The following SCUBE1 variants were observed in gnomAD, a reference collection of about 807,000 sequenced individuals.
The protein encoded by SCUBE1 is signal peptide, CUB domain and EGF like domain containing 1.
In SCUBE1, 59 loss-of-function variants were observed where a neutral mutation model predicts 124.4. That is an observed-to-expected ratio of 0.47 (90% confidence interval 0.38 to 0.59). The LOEUF (loss-of-function observed/expected upper bound fraction) is 0.59, where lower values mean the gene tolerates loss of function less well. Ranked by LOEUF, SCUBE1 falls within the 20% of genes least tolerant of loss-of-function variation. The probability of loss-of-function intolerance (pLI) is 0.00; values close to 1 mark genes in which losing one functional copy is unlikely to be tolerated. For synonymous variants in SCUBE1, 545 were observed against 550.9 expected, an observed-to-expected ratio of 0.99 and a Z score of 0.15; for missense variants, 1,150 against 1,371.2, an observed-to-expected ratio of 0.84 and a Z score of 2.55.
rs367780724 is a variant in SCUBE1 at position 43,227,514 on chromosome 22, G to T, written c.1085-18C>A. On this transcript the variant is annotated intron_variant, in intron 9 of 21. Transcript: ENST00000360835. ...GTCCACATCTGGAAGCACAGCGGGCGTAAGGGCAGAGGGGAGGCTGGCGGC... is the reference window on the plus strand; with the variant it reads ...GTCCACATCTGGAAGCACAGCGGGCTTAAGGGCAGAGGGGAGGCTGGCGGC... 5 of 1,609,100 alleles carry T rather than the reference G, an allele frequency of 3.1e-6. 1 individual carries two copies. In the South Asian group the frequency reaches 5.5e-5, roughly 18 times the overall value.
chr22:43,226,228 GAC>G (rs1922296417), intron 10 of SCUBE1, among the ~76,000 whole-genome samples: 3 of 152,154 alleles, frequency 2.0e-5, no homozygotes, highest in African/African-American at 4.8e-5. Context: ...TGGACAGACA[GAC>G]AGACATACAC....
At chr22:43,228,781 G>A (rs1922429936) in intron 9 of SCUBE1, among the ~76,000 whole-genome samples, 1 of 152,186 alleles carries the variant, frequency 6.6e-6, no homozygotes. Flanking sequence ...CCCGCTCCTG[G>A]CCCGAGTTCT....
intron 3 of SCUBE1, among the ~76,000 whole-genome samples, chr22:43,309,706 C>G (rs1263177424): frequency 6.6e-6 from 1 of 152,018 alleles, no homozygotes; most frequent in African/African-American, 2.4e-5. Flanking sequence ...TCCGTGTCCA[C>G]CCCCACACCC....
intron 4 of SCUBE1, among the ~76,000 whole-genome samples, chr22:43,275,215 G>A (rs761178100): frequency 7.2e-5 from 11 of 152,234 alleles, no homozygotes; most frequent in Non-Finnish European, 1.5e-4. Context: ...GAGAGGCCTC[G>A]TGGAGAGAAG....
At chr22:43,220,342 G>T in intron 14 of SCUBE1, 108 bp downstream of exon 14, 1 of 1,269,244 alleles carries the variant, frequency 7.9e-7, no homozygotes, top group Non-Finnish European at 1.1e-6. Context: ...AGCCACAGCT[G>T]TGCTCTGGTG....
intron 3 of SCUBE1, 84 bp from the exon 4 acceptor site, chr22:43,291,264 G>C: frequency 2.7e-6 from 4 of 1,456,660 alleles, no homozygotes; most frequent in Non-Finnish European, 3.8e-6. Flanking sequence ...CAGGGATGCA[G>C]TGAATTTCCT....
At chr22:43,328,360 C>T (rs1357678801) in intron 2 of SCUBE1, among the ~76,000 whole-genome samples, 1 of 152,168 alleles carries the variant, frequency 6.6e-6, no homozygotes, top group Admixed American at 6.5e-5. Flanking sequence ...CCCTATTCCA[C>T]CCTCCTGCCA....
Position 43,227,509 on chromosome 22 carries a change from C to A in SCUBE1, c.1085-13G>T, listed in dbSNP as rs187816309. 2.5e-6 allele frequency: 4 copies of A among 1,609,862 alleles called. No individual in the cohort carries two copies. Among genetic ancestry groups the A allele is most frequent in the African/African-American group, 1.3e-5 (1 of 74,896 alleles). ...CACTCGTCCACATCTGGAAGCACAG[C>A]GGGCGTAAGGGCAGAGGGGAGGCTG... On this transcript the variant is annotated splice_polypyrimidine_tract_variant and intron_variant, in intron 9 of 21. Coordinates refer to ENST00000360835, the MANE Select transcript of SCUBE1 (RefSeq NM_173050.5).
chr22:43,251,621 G>A lies in SCUBE1; in HGVS notation c.727+6598C>T, dbSNP rs376083299. The stretch of plus-strand genomic sequence containing the variant: ...GCTCTGCAGGTGGAGAAGGGACCGC[G>A]GGACAAGGAACGTGGGCAGCTCTAG... On this transcript the variant is annotated intron_variant, in intron 6 of 21. Transcript: ENST00000360835. 5.3e-5 allele frequency among the ~76,000 whole-genome samples: 8 copies of A among 152,252 alleles called. No individual in the cohort carries two copies. In the South Asian group the frequency reaches 8.3e-4, roughly 16 times the overall value.
At chr22:43,206,785 C>T (rs1015116540) in intron 21 of SCUBE1, among the ~76,000 whole-genome samples, 5 of 151,828 alleles carry the variant, frequency 3.3e-5, no homozygotes, top group African/African-American at 9.7e-5. Flanking sequence ...GCTCCCAGGG[C>T]GGAGCTGGGG....
intron 10 of SCUBE1, among the ~76,000 whole-genome samples, chr22:43,225,043 C>G (rs1416972343): frequency 2.0e-5 from 3 of 152,152 alleles, no homozygotes; most frequent in Non-Finnish European, 2.9e-5. Context: ...AAGAGGAGCT[C>G]TAAAATGTTA....
intron 19 of SCUBE1, among the ~76,000 whole-genome samples, chr22:43,209,186 T>C (rs34095867): frequency 0.039 from 5,997 of 152,206 alleles, 146 homozygotes; most frequent in South Asian, 0.058. Flanking sequence ...GGAGCAGCCC[T>C]GGCGCAGACC....
chr22:43,255,545 AC>A lies in SCUBE1; in HGVS notation c.727+2673del, dbSNP rs1923624923. On this transcript the variant is annotated intron_variant, in intron 6 of 21. Coordinates refer to ENST00000360835, the MANE Select transcript of SCUBE1 (RefSeq NM_173050.5). This position sits in a 1 kb window ranked among gnomAD's most constrained non-coding sequence, Gnocchi z 4.7. ...ACATCAGCTACTGACGTGGCATTGAACTGAGAGCGCTCAATTGCAGCCTCAT... is the reference window on the plus strand; with the variant it reads ...ACATCAGCTACTGACGTGGCATTGAATGAGAGCGCTCAATTGCAGCCTCAT... 1 of 1,550,504 alleles carries A rather than the reference AC, an allele frequency of 6.4e-7. No homozygotes were observed. Among genetic ancestry groups the A allele is most frequent in the South Asian group, 1.2e-5 (1 of 84,060 alleles).
chr22:43,333,797 C>A (rs1480595894), intron 2 of SCUBE1, among the ~76,000 whole-genome samples: 1 of 152,204 alleles, frequency 6.6e-6, no homozygotes, highest in Non-Finnish European at 1.5e-5. Flanking sequence ...TTTGGCCAGT[C>A]ACTTTACCTC....
intron 2 of SCUBE1, among the ~76,000 whole-genome samples, chr22:43,336,888 A>G (rs1165527850): frequency 6.6e-6 from 1 of 152,114 alleles, no homozygotes; most frequent in African/African-American, 2.4e-5. Context: ...CAGGCGGAAA[A>G]TCTGAGCTGG....
intron 6 of SCUBE1, among the ~76,000 whole-genome samples, chr22:43,243,828 G>A (rs891858374): frequency 1.3e-5 from 2 of 152,206 alleles, no homozygotes; most frequent in African/African-American, 2.4e-5. Context: ...CAGTGCTTTG[G>A]AAGCTGCTCT....
At chr22:43,311,507 G>GC (rs1291612638) in intron 3 of SCUBE1, among the ~76,000 whole-genome samples, 3 of 148,418 alleles carry the variant, frequency 2.0e-5, no homozygotes, top group East Asian at 2.0e-4. Flanking sequence ...TGCAACCTCT[G>GC]CCCCCCGGGT....
In SCUBE1 at chr22:43,231,739, T is replaced by C. The variant is rs965286871; in HGVS notation, c.967+14A>G. ...CTGGGCCCGAGAGCCACCCGGGGCA[T>C]GGCAGGGGCTCACCCTGGCAGGTGC... is the stretch of plus-strand genomic sequence containing the variant. On this transcript the variant is annotated intron_variant, in intron 8 of 21. Transcript: ENST00000360835. 7 of 1,568,136 alleles carry C rather than the reference T, an allele frequency of 4.5e-6. No individual in the cohort carries two copies. The African/African-American group carries it at 6.8e-5, about 15-fold the overall frequency.
chr22:43,218,160 T>G (rs997774952), intron 15 of SCUBE1, 95 bp downstream of exon 15: 5 of 1,178,364 alleles, frequency 4.2e-6, no homozygotes, highest in Non-Finnish European at 6.2e-6. Context: ...CCTCCCCAGG[T>G]GTCTGTCTCA....
Sources: gnomAD v4.1 joint callset for allele counts (sites outside exome capture counted in the v4.1 genomes callset) on GRCh38, gnomAD v4.1.1 for gene constraint, Gnocchi (gnomAD v3.1) non-coding constraint, MANE v1.5 for transcripts, NCBI Gene and HGNC (gene_info 2026-07-23, HGNC 2026-07-21) for gene names.